The following JAKMIP1 variants were observed in gnomAD, a reference collection of about 807,000 sequenced individuals.
The protein encoded by JAKMIP1 is janus kinase and microtubule interacting protein 1.
A neutral mutation model predicts 113.0 loss-of-function variants in JAKMIP1; 33 were observed. The ratio of observed to expected loss-of-function variants is 0.29; its 90% CI spans 0.22 to 0.39. The LOEUF (loss-of-function observed/expected upper bound fraction) is 0.39. Ranked by LOEUF, JAKMIP1 falls within the 10% of genes least tolerant of loss-of-function variation. The pLI, the probability that JAKMIP1 is intolerant of heterozygous loss-of-function variation, is 1.00. For synonymous variants in JAKMIP1, 480 were observed against 459.9 expected, an observed-to-expected ratio of 1.04 and a Z score of -0.56; for missense variants, 813 against 1,080.5, an observed-to-expected ratio of 0.75 and a Z score of 3.47.
In JAKMIP1 at chr4:6,140,665, A is replaced by C. The variant is rs1304867236; in HGVS notation, c.-147-27668T>G. 6.6e-6 allele frequency among the ~76,000 whole-genome samples: 1 copy of C among 152,152 alleles called. No individual in the cohort carries two copies. Among genetic ancestry groups the C allele is most frequent in the African/African-American group, 2.4e-5 (1 of 41,396 alleles). On this transcript the variant is annotated intron_variant, in intron 1 of 20. Transcript: ENST00000409021. This position sits in a 1 kb window ranked among gnomAD's most constrained non-coding sequence, Gnocchi z 9.4. The stretch of plus-strand genomic sequence containing the variant: ...TATCTCCTTTTGATCTGTCTTCTCC[A>C]AGACATTTTCCACAATGAAAATGTA...
intron 1 of JAKMIP1, among the ~76,000 whole-genome samples, chr4:6,146,971 T>C (rs559043402): frequency 1.2e-4 from 18 of 152,280 alleles, no homozygotes; most frequent in African/African-American, 4.1e-4. Context: ...TTTTTTGTTT[T>C]TGGGGGGATG....
At chr4:6,062,463 CAAA>C in intron 9 of JAKMIP1, 23 bp from the exon 10 acceptor site, 1 of 1,594,550 alleles carries the variant, frequency 6.3e-7, no homozygotes, top group Non-Finnish European at 8.6e-7. Context: ...GAGAAGAAAA[CAAA>C]TAATCAAGTG....
At chr4:6,098,570 GA>G (rs1374351775) in intron 3 of JAKMIP1, among the ~76,000 whole-genome samples, 12 of 112,272 alleles carry the variant, frequency 1.1e-4, no homozygotes, top group Middle Eastern at 4.6e-3. Flanking sequence ...AAGAAAGAAA[GA>G]AAGAAAGAAA....
intron 3 of JAKMIP1, among the ~76,000 whole-genome samples, chr4:6,100,107 A>G (rs1416137213): frequency 6.6e-6 from 1 of 152,200 alleles, no homozygotes; most frequent in East Asian, 1.9e-4. Flanking sequence ...TGTTTTAAAC[A>G]TTTTAGAGTT....
rs1213495986 is a variant in JAKMIP1 at position 6,088,154 on chromosome 4, CAA to C, written c.625-2527_625-2526del. Among the ~76,000 whole-genome samples the C allele has an allele frequency of 6.6e-6, 1 of 152,148 alleles. No individual in the cohort carries two copies. The highest frequency in any genetic ancestry group is 2.1e-4 in the South Asian group (1 of 4,828). Reference sequence around the variant, plus strand: ...GTGGGTGCTGAGAAACATTAGAGAGCAAAAGAGACCAGCCGCCCTGCCCTAGG... The same window carrying C: ...GTGGGTGCTGAGAAACATTAGAGAGCAAGAGACCAGCCGCCCTGCCCTAGG... On this transcript the variant is annotated intron_variant, in intron 3 of 20. Transcript: ENST00000409021. The surrounding 1 kb of genome is among the most constrained non-coding windows in gnomAD (Gnocchi z 5.5).
chr4:6,141,902 G>A lies in JAKMIP1; in HGVS notation c.-147-28905C>T, dbSNP rs979717040. On this transcript the variant is annotated intron_variant, in intron 1 of 20. Transcript: ENST00000409021. This position sits in a 1 kb window ranked among gnomAD's most constrained non-coding sequence, Gnocchi z 9.4. The stretch of plus-strand genomic sequence containing the variant: ...CTTACGCTTCCTAAGGGCGTTAACC[G>A]TCTCTCTCTCATTTTAAAAATCAAG... Among the ~76,000 whole-genome samples, 8 of 152,068 alleles carry A rather than the reference G, an allele frequency of 5.3e-5. No individual in the cohort carries two copies. The highest frequency in any genetic ancestry group is 2.1e-4 in the South Asian group (1 of 4,824).
In JAKMIP1 at chr4:6,081,702, G is replaced by C; in HGVS notation, c.1008C>G (p.Asn336Lys). 1 of 1,614,176 alleles carries C rather than the reference G, an allele frequency of 6.2e-7. No homozygotes were observed. The highest frequency in any genetic ancestry group is 8.5e-7 in the Non-Finnish European group (1 of 1,180,022). Residue 336 changes from asparagine to lysine, a missense_variant, in exon 6 of 21, where the codon AAC becomes AAG. This residue lies in a region of JAKMIP1 where 540 missense variants were observed against 653.9 expected (regional missense o/e 0.83). Transcript: ENST00000409021. This position sits in a 1 kb window ranked among gnomAD's most constrained non-coding sequence, Gnocchi z 4.6. ...EVQLKPLVEKNKRMNKKNEDL... is the reference protein window; with the variant it reads ...EVQLKPLVEKKKRMNKKNEDL... ...CCTCATTCTTCTTGTTCATCCGCTT[G>C]TTCTTCTCCACCAGGGGCTTCAGCT...
At chr4:6,053,881 T>C in intron 13 of JAKMIP1, 169 bp downstream of exon 13, 1 of 1,513,446 alleles carries the variant, frequency 6.6e-7, no homozygotes, top group East Asian at 2.3e-5. Flanking sequence ...AGTGAAATTA[T>C]TCTGAACATA....
At chr4:6,198,137 G>A (rs1411734575) in intron 1 of JAKMIP1, among the ~76,000 whole-genome samples, 2 of 152,240 alleles carry the variant, frequency 1.3e-5, no homozygotes, top group Admixed American at 6.5e-5. Context: ...TCTGCTTAAG[G>A]AAAAACTACA....
In JAKMIP1 at chr4:6,080,105, T is replaced by C; in HGVS notation, c.1242+67A>G. ...CATCACCCTGAGCCCCAACACCCGT[T>C]CCTGACACCCATGTCAGCTGGTGCC... is the stretch of plus-strand genomic sequence containing the variant. On this transcript the variant is annotated intron_variant, in intron 7 of 20. Coordinates refer to ENST00000409021, the MANE Select transcript of JAKMIP1 (RefSeq NM_001099433.2). The surrounding 1 kb of genome is among the most constrained non-coding windows in gnomAD (Gnocchi z 6.0). 2.7e-6 allele frequency: 4 copies of C among 1,505,918 alleles called. No homozygotes were observed. The South Asian group carries it at 4.0e-5, about 15-fold the overall frequency. 93.3% of individuals were successfully genotyped at this position (1,505,918 alleles called of 1,614,324 possible).
At chr4:6,124,933 G>A (rs1394930369) in intron 1 of JAKMIP1, among the ~76,000 whole-genome samples, 1 of 152,206 alleles carries the variant, frequency 6.6e-6, no homozygotes, top group African/African-American at 2.4e-5. Context: ...GGCCAGCTGG[G>A]TTGAGATTGC....
At chr4:6,035,848 A>G (rs1199844320) in intron 19 of JAKMIP1, 56 bp downstream of exon 19, 2 of 1,452,152 alleles carry the variant, frequency 1.4e-6, no homozygotes, top group Non-Finnish European at 1.9e-6. Context: ...GCCAAGGTGC[A>G]CACAGGACAA....
Position 6,065,116 on chromosome 4 carries a change from G to A in JAKMIP1, c.1303-108C>T. ...CAGGGGGGTGATGATTGACATTTGGGCCACTGGGGCATCACAAGATGCGGT... is the reference window on the plus strand; with the variant it reads ...CAGGGGGGTGATGATTGACATTTGGACCACTGGGGCATCACAAGATGCGGT... On this transcript the variant is annotated intron_variant, in intron 8 of 20. Coordinates refer to ENST00000409021, the MANE Select transcript of JAKMIP1 (RefSeq NM_001099433.2). This position sits in a 1 kb window ranked among gnomAD's most constrained non-coding sequence, Gnocchi z 5.1. The A allele has an allele frequency of 7.4e-7, 1 of 1,349,438 alleles. No individual in the cohort carries two copies. Among genetic ancestry groups the A allele is most frequent in the Non-Finnish European group, 1.0e-6 (1 of 957,324 alleles). The allele number at this position is 1,349,438 out of a possible 1,614,324, so 83.6% of individuals were successfully genotyped here.
At chr4:6,085,694 A>T (rs1252621747) in intron 3 of JAKMIP1, 65 bp from the exon 4 acceptor site, 6 of 1,469,476 alleles carry the variant, frequency 4.1e-6, no homozygotes, top group Admixed American at 1.7e-5. Flanking sequence ...CTCTCCCCAA[A>T]TTGGGGCCTT....
intron 20 of JAKMIP1, among the ~76,000 whole-genome samples, chr4:6,029,498 CT>C (rs541787661): frequency 5.6e-4 from 86 of 152,272 alleles, no homozygotes; most frequent in African/African-American, 1.7e-3. Context: ...TGGCCCCGGC[CT>C]GAAGAATTTT....
rs1720607380 is a variant in JAKMIP1, at chr4:6,081,868, G to A, written c.955-113C>T. The A allele has an allele frequency of 3.4e-6, 4 of 1,182,534 alleles. No homozygotes were observed. The Admixed American group carries it at 6.6e-5, about 19-fold the overall frequency. The allele number at this position is 1,182,534 out of a possible 1,614,324, so 73.3% of individuals were successfully genotyped here. A position where few individuals can be genotyped will look rare whatever the true frequency, so the allele number is the denominator to read the frequency against. On this transcript the variant is annotated intron_variant, in intron 5 of 20. Transcript: ENST00000409021. The surrounding 1 kb of genome is among the most constrained non-coding windows in gnomAD (Gnocchi z 4.6). ...AGTTAGGACCCCTTCTGAGGCCAGTGTCCTGGATGACACATTTGTTTGCTA... is the reference window on the plus strand; with the variant it reads ...AGTTAGGACCCCTTCTGAGGCCAGTATCCTGGATGACACATTTGTTTGCTA...
intron 1 of JAKMIP1, among the ~76,000 whole-genome samples, chr4:6,177,390 C>G (rs954800040): frequency 1.3e-5 from 2 of 152,162 alleles, no homozygotes; most frequent in African/African-American, 4.8e-5. Flanking sequence ...TCTAATTACT[C>G]TGGGCCTCAA....
rs1715258027 is a variant in JAKMIP1, at chr4:6,113,358, A to C, written c.-147-361T>G. On this transcript the variant is annotated intron_variant, in intron 1 of 20. Coordinates refer to ENST00000409021, the MANE Select transcript of JAKMIP1 (RefSeq NM_001099433.2). ...AACATCAGTGAGCCTGTGTCTCCCA[A>C]GGTGCTTCTTCCAAAAAGCAGGGCC... is the stretch of plus-strand genomic sequence containing the variant. Among the ~76,000 whole-genome samples, 4 of 152,256 alleles carry C rather than the reference A, an allele frequency of 2.6e-5. No homozygotes were observed. The South Asian group carries it at 8.3e-4, about 32-fold the overall frequency.
In JAKMIP1 at chr4:6,156,852, G is replaced by A. The variant is rs564761214; in HGVS notation, c.-148+43401C>T. On this transcript the variant is annotated intron_variant, in intron 1 of 20. Coordinates refer to ENST00000409021, the MANE Select transcript of JAKMIP1 (RefSeq NM_001099433.2). This position sits in a 1 kb window ranked among gnomAD's most constrained non-coding sequence, Gnocchi z 5.0. The stretch of plus-strand genomic sequence containing the variant: ...TCTGCCCATGATAGGTGTTGGTCAC[G>A]TTACAATTGTTCAGTAGACCCACAC... Among the ~76,000 whole-genome samples the A allele has an allele frequency of 6.6e-4, 100 of 152,322 alleles. 1 individual carries two copies. The highest frequency in any genetic ancestry group is 2.3e-3 in the African/African-American group (95 of 41,572).
Sources: allele counts gnomAD v4.1 joint callset (sites outside exome capture counted in the v4.1 genomes callset), GRCh38; gene constraint gnomAD v4.1.1; regional missense constraint gnomAD v4.1.1; non-coding constraint Gnocchi (gnomAD v3.1); transcripts MANE v1.5; gene names NCBI Gene and HGNC (gene_info 2026-07-23, HGNC 2026-07-21).